MAD1L1: variants seen among roughly 807,000 people sequenced by gnomAD.
The protein encoded by MAD1L1 is mitotic arrest deficient 1 like 1, also known as mitotic spindle assembly checkpoint protein MAD1.
MAD1L1 carries 95 observed loss-of-function variants against 96.9 expected under a neutral mutation model. The ratio of observed to expected loss-of-function variants is 0.98; its 90% confidence interval spans 0.83 to 1.16. The LOEUF is 1.16. MAD1L1 is among the 50% of genes most tolerant of loss of function. MAD1L1 has a pLI of 0.00. For missense variants in MAD1L1, 1,007 were observed against 954.4 expected, an observed-to-expected ratio of 1.06 and a Z score of -0.73; for synonymous variants, 473 against 396.6, an observed-to-expected ratio of 1.19 and a Z score of -2.29.
At chr7:2,070,602 G>A (rs776784094) in intron 11 of MAD1L1, among the ~76,000 whole-genome samples, 2 of 152,260 alleles carry the variant, frequency 1.3e-5, no homozygotes, top group African/African-American at 4.8e-5. Flanking sequence ...GGCGCAGAGC[G>A]GAACGGCGCT....
At chr7:2,015,691 G>A (rs1003223253) in intron 12 of MAD1L1, among the ~76,000 whole-genome samples, 42 of 152,346 alleles carry the variant, frequency 2.8e-4, no homozygotes, top group African/African-American at 9.6e-4. Flanking sequence ...GCAGGCTGGC[G>A]ACCTTCTCCT....
Position 2,052,261 on chromosome 7 carries a change from C to T in MAD1L1, c.1218+16933G>A, listed in dbSNP as rs189606908. On this transcript the variant is annotated intron_variant, in intron 12 of 18. Transcript: ENST00000265854. ...TGGCATGACTCCATATGCCAACAGG[C>T]TTCCCTGGCCCCTTCATGTGAGCAA... Among the ~76,000 whole-genome samples the T allele has an allele frequency of 2.5e-3, 377 of 152,364 alleles. 2 individuals carry two copies. Among genetic ancestry groups the T allele is most frequent in the African/African-American group, 8.4e-3 (348 of 41,586 alleles).
chr7:2,068,524 A>G (rs1340382582), intron 12 of MAD1L1, among the ~76,000 whole-genome samples: 1 of 152,226 alleles, frequency 6.6e-6, no homozygotes, highest in Non-Finnish European at 1.5e-5. Flanking sequence ...ACTCAGCACT[A>G]GCTGGAGGCA....
In MAD1L1 at chr7:2,051,058, A is replaced by G. The variant is rs527824419; in HGVS notation, c.1218+18136T>C. Among the ~76,000 whole-genome samples the G allele has an allele frequency of 7.2e-5, 11 of 152,382 alleles. No individual in the cohort carries two copies. The South Asian group carries it at 2.3e-3, about 32-fold the overall frequency. On this transcript the variant is annotated intron_variant, in intron 12 of 18. Transcript: ENST00000265854. ...CTTCGAAACTGAGTTTAAAGAGAGCATGTTTCTCTACCAAACAGGATAGGG... is the reference window on the plus strand; with the variant it reads ...CTTCGAAACTGAGTTTAAAGAGAGCGTGTTTCTCTACCAAACAGGATAGGG...
At chr7:2,141,161 G>A (rs376437653) in intron 11 of MAD1L1, among the ~76,000 whole-genome samples, 4 of 152,354 alleles carry the variant, frequency 2.6e-5, no homozygotes, top group South Asian at 2.1e-4. Flanking sequence ...TCTGCCTGGG[G>A]AGGGAACAGG....
chr7:1,989,207 G>C (rs1781295406), intron 14 of MAD1L1, among the ~76,000 whole-genome samples: 1 of 152,132 alleles, frequency 6.6e-6, no homozygotes, highest in African/African-American at 2.4e-5. Flanking sequence ...CACCCGCCAG[G>C]ACGGCTCTAA....
At chr7:2,147,201 C>A (rs1789351850) in intron 11 of MAD1L1, among the ~76,000 whole-genome samples, 1 of 152,156 alleles carries the variant, frequency 6.6e-6, no homozygotes, top group Non-Finnish European at 1.5e-5. Context: ...GAAGAGAGGA[C>A]CAGGTGCCTG....
intron 12 of MAD1L1, among the ~76,000 whole-genome samples, chr7:2,016,456 C>A (rs776929251): frequency 6.6e-6 from 1 of 152,196 alleles, no homozygotes; most frequent in East Asian, 1.9e-4. Context: ...CCCTTCCGTG[C>A]GGCCTCCTGA....
chr7:2,184,199 T>C (rs1692050492), intron 10 of MAD1L1, among the ~76,000 whole-genome samples: 1 of 151,196 alleles, frequency 6.6e-6, no homozygotes, highest in Non-Finnish European at 1.5e-5. Context: ...TTGCAGTGAG[T>C]GGAGATCGCG....
rs200481632 is a variant in MAD1L1 at position 1,898,193 on chromosome 7, G to A, written c.1998+7C>T. 3 of 1,602,016 alleles carry A rather than the reference G, an allele frequency of 1.9e-6. No individual in the cohort carries two copies. The East Asian group carries it at 6.8e-5, about 36-fold the overall frequency. ...ACAGCCGGAGAGCCGTCACACGCAGGACCCACCTTGAAGATGAGGCAGTCG... is the reference window on the plus strand; with the variant it reads ...ACAGCCGGAGAGCCGTCACACGCAGAACCCACCTTGAAGATGAGGCAGTCG... On this transcript the variant is annotated splice_region_variant and intron_variant, in intron 18 of 18. Transcript: ENST00000265854.
chr7:1,907,810 G>A (rs1787762957), intron 17 of MAD1L1, among the ~76,000 whole-genome samples: 2 of 152,268 alleles, frequency 1.3e-5, no homozygotes, highest in Admixed American at 6.5e-5. Flanking sequence ...CATCACGGGT[G>A]CTCGGCGCGG....
intron 17 of MAD1L1, among the ~76,000 whole-genome samples, chr7:1,899,551 T>C (rs1420466707): frequency 1.3e-5 from 2 of 152,180 alleles, no homozygotes; most frequent in Admixed American, 6.5e-5. Flanking sequence ...AGAAAGAGGA[T>C]GTTAAAGTCA....
intron 18 of MAD1L1, among the ~76,000 whole-genome samples, chr7:1,880,038 G>C (rs1785598688): frequency 6.6e-6 from 1 of 152,114 alleles, no homozygotes; most frequent in Admixed American, 6.5e-5. Context: ...CCGGCAAACT[G>C]ATTTTCAACA....
intron 11 of MAD1L1, among the ~76,000 whole-genome samples, chr7:2,117,405 G>A (rs1189745490): frequency 6.6e-6 from 1 of 152,200 alleles, no homozygotes; most frequent in Non-Finnish European, 1.5e-5. Flanking sequence ...ACAGGCAGCT[G>A]CCCATTCACA....
intron 14 of MAD1L1, chr7:1,980,919 C>T (rs1780876306): frequency 5.3e-6 from 2 of 374,532 alleles, no homozygotes; most frequent in African/African-American, 2.1e-5. Context: ...ACTTCCAATT[C>T]CTCTACAGAA....
intron 4 of MAD1L1, among the ~76,000 whole-genome samples, chr7:2,224,836 A>G (rs1036288095): frequency 3.3e-5 from 5 of 152,140 alleles, no homozygotes; most frequent in African/African-American, 9.7e-5. Flanking sequence ...AGCCAGGAGC[A>G]ACACAGAGCC....
rs1193808551 is a variant in MAD1L1, at chr7:1,898,351, T to A, written c.1847A>T (p.Gln616Leu). The change falls in exon 18 of 19, where the codon CAG becomes CTG. Residue 616 changes from glutamine to leucine, a missense_variant. Physicochemically the swap from Gln to Leu is moderately radical, Grantham distance 113 (BLOSUM62 -2). Transcript: ENST00000265854. Reference sequence around the variant, plus strand: ...GGTCTGGAAAACCTCCTTGAGCCGCTGGTTCTTCAGCTCGGCACTCTCCAC... The same window carrying A: ...GGTCTGGAAAACCTCCTTGAGCCGCAGGTTCTTCAGCTCGGCACTCTCCAC... ...KQVESAELKN[Q>L]RLKEVFQTKI... 2 of 1,613,998 alleles carry A rather than the reference T, an allele frequency of 1.2e-6. No homozygotes were observed. Among genetic ancestry groups the A allele is most frequent in the Non-Finnish European group, 1.7e-6 (2 of 1,179,998 alleles).
intron 11 of MAD1L1, among the ~76,000 whole-genome samples, chr7:2,128,139 T>C (rs1174913176): frequency 6.6e-6 from 1 of 152,126 alleles, no homozygotes; most frequent in Non-Finnish European, 1.5e-5. Flanking sequence ...CCCTCCCAGA[T>C]TATTTCTAAA....
At chr7:1,923,609 T>C (rs969377028) in intron 17 of MAD1L1, among the ~76,000 whole-genome samples, 8 of 152,264 alleles carry the variant, frequency 5.3e-5, no homozygotes, top group Non-Finnish European at 7.3e-5. Flanking sequence ...GCGTGGGGCA[T>C]GTCCTGCCCT....
Sources: allele counts gnomAD v4.1 joint callset (sites outside exome capture counted in the v4.1 genomes callset), GRCh38; gene constraint gnomAD v4.1.1; transcripts MANE v1.5; gene names NCBI Gene and HGNC (gene_info 2026-07-23, HGNC 2026-07-21).